SDK1: variants seen among roughly 807,000 people sequenced by gnomAD.
The protein encoded by SDK1 is protein sidekick-1.
Under a neutral mutation model 245.5 loss-of-function variants are expected in SDK1, and 157 were observed. The observed-to-expected ratio is 0.64, with a 90% CI of 0.56 to 0.73. The LOEUF (loss-of-function observed/expected upper bound fraction) is 0.73. Among genes scored for constraint, SDK1 ranks in the 30% least tolerant of loss-of-function variants. SDK1 has a pLI of 0.00. For synonymous variants in SDK1, 1,647 were observed against 1,278.5 expected (o/e 1.29, Z -6.15); for missense variants, 3,583 against 3,002.3 (o/e 1.19, Z -4.52).
At chr7:3,684,416 A>C (rs1013556799) in intron 4 of SDK1, among the ~76,000 whole-genome samples, 1 of 152,216 alleles carries the variant, frequency 6.6e-6, no homozygotes, top group African/African-American at 2.4e-5. Context: ...AGGGGAGAGG[A>C]GTCAGTGCTT....
intron 5 of SDK1, among the ~76,000 whole-genome samples, chr7:3,942,752 A>G (rs1327428628): frequency 1.3e-5 from 2 of 152,204 alleles, no homozygotes; most frequent in Non-Finnish European, 2.9e-5. Flanking sequence ...TAGACACACT[A>G]AAAAGGAAAA....
chr7:3,797,572 A>C (rs17133859), intron 4 of SDK1, among the ~76,000 whole-genome samples: 51,355 of 151,884 alleles, frequency 0.34, 11,859 homozygotes, highest in African/African-American at 0.66. Context: ...TTAATACCTA[A>C]AAAAAATCAT....
At chr7:3,973,485 A>G (rs1046919506) in intron 12 of SDK1, among the ~76,000 whole-genome samples, 5 of 152,230 alleles carry the variant, frequency 3.3e-5, no homozygotes, top group Non-Finnish European at 5.9e-5. Context: ...TCAAATTGCT[A>G]CAGATAGATT....
rs145873015 is a variant in SDK1 at position 3,842,364 on chromosome 7, G to A, written c.847+20781G>A. ...TGGACCAACAGTCAAAGAAGTCACC[G>A]TACTGGCCTGGGTACTGGGTCACTG... On this transcript the variant is annotated intron_variant, in intron 5 of 44. Coordinates refer to ENST00000404826, the MANE Select transcript of SDK1 (RefSeq NM_152744.4). 3.5e-3 allele frequency among the ~76,000 whole-genome samples: 536 copies of A among 152,308 alleles called. 12 individuals are homozygous for A. The highest frequency in any genetic ancestry group is 0.032 in the Admixed American group (497 of 15,300).
chr7:3,490,936 C>T (rs1242867815), intron 1 of SDK1, among the ~76,000 whole-genome samples: 10 of 152,210 alleles, frequency 6.6e-5, no homozygotes, highest in Non-Finnish European at 2.9e-5. Flanking sequence ...TTCTGTTAGG[C>T]ATTCACTCTG....
intron 38 of SDK1, among the ~76,000 whole-genome samples, chr7:4,214,119 G>A (rs1000266111): frequency 4.6e-5 from 7 of 152,192 alleles, no homozygotes; most frequent in East Asian, 1.9e-4. Flanking sequence ...CAAGGCCTGC[G>A]TTTTGAAAAT....
At chr7:3,948,100 C>A (rs1353327850) in intron 5 of SDK1, among the ~76,000 whole-genome samples, 1 of 152,176 alleles carries the variant, frequency 6.6e-6, no homozygotes, top group African/African-American at 2.4e-5. Flanking sequence ...GGATTCAGGT[C>A]ACGTAATATT....
chr7:3,847,946 T>C (rs189777136), intron 5 of SDK1, among the ~76,000 whole-genome samples: 5 of 152,228 alleles, frequency 3.3e-5, no homozygotes, highest in Non-Finnish European at 7.3e-5. Flanking sequence ...AATGTTCTTT[T>C]ATGCTTGAAA....
intron 4 of SDK1, among the ~76,000 whole-genome samples, chr7:3,787,146 T>TCACACACACACACA (rs34838736): frequency 1.0e-4 from 14 of 137,744 alleles, no homozygotes; most frequent in African/African-American, 3.2e-4. Flanking sequence ...AGTATTGAAA[T>TCACACACACACACA]CACACACACA....
intron 17 of SDK1, among the ~76,000 whole-genome samples, chr7:4,038,849 G>C (rs1788398930): frequency 6.6e-6 from 1 of 152,206 alleles, no homozygotes; most frequent in African/African-American, 2.4e-5. Context: ...TTTAGGGAAA[G>C]GTGCTGGCAT....
intron 4 of SDK1, among the ~76,000 whole-genome samples, chr7:3,689,370 T>G (rs1012966223): frequency 6.6e-6 from 1 of 152,136 alleles, no homozygotes; most frequent in African/African-American, 2.4e-5. Context: ...CTAGTGCTTA[T>G]AGGTGTAGCT....
intron 25 of SDK1, among the ~76,000 whole-genome samples, chr7:4,118,287 A>G (rs1248875447): frequency 1.3e-5 from 2 of 152,244 alleles, no homozygotes; most frequent in Non-Finnish European, 2.9e-5. Context: ...CATTCCTCCC[A>G]AGGAGATTTA....
chr7:3,608,997 G>C (rs940928510), intron 1 of SDK1, among the ~76,000 whole-genome samples: 5 of 152,060 alleles, frequency 3.3e-5, no homozygotes, highest in African/African-American at 1.2e-4. Context: ...GAATCTAGTT[G>C]TCCTTTATTA....
intron 1 of SDK1, among the ~76,000 whole-genome samples, chr7:3,478,517 C>A (rs984259829): frequency 2.0e-5 from 3 of 151,508 alleles, no homozygotes; most frequent in African/African-American, 7.3e-5. Context: ...TTAAAAATAA[C>A]TTTATTTTTA....
intron 2 of SDK1, among the ~76,000 whole-genome samples, chr7:3,623,858 T>G (rs1019030684): frequency 6.6e-6 from 1 of 152,184 alleles, no homozygotes; most frequent in African/African-American, 2.4e-5. Context: ...TTATGTAACC[T>G]GCCTCTGTGG....
At chr7:3,529,802 A>C (rs770064188) in intron 1 of SDK1, among the ~76,000 whole-genome samples, 1 of 152,168 alleles carries the variant, frequency 6.6e-6, no homozygotes, top group Non-Finnish European at 1.5e-5. Context: ...GGGGTGGGCT[A>C]TGCTCACATC....
intron 5 of SDK1, among the ~76,000 whole-genome samples, chr7:3,911,021 G>T (rs1009076351): frequency 2.6e-5 from 4 of 152,304 alleles, no homozygotes; most frequent in Non-Finnish European, 5.9e-5. Context: ...CGCCACTGAT[G>T]CACAGCCTTT....
At chr7:3,889,641 G>A (rs1188229774) in intron 5 of SDK1, among the ~76,000 whole-genome samples, 1 of 152,124 alleles carries the variant, frequency 6.6e-6, no homozygotes, top group African/African-American at 2.4e-5. Flanking sequence ...CCAAGTAGCT[G>A]GGACTACAGG....
intron 41 of SDK1, 82 bp downstream of exon 41, chr7:4,233,501 C>T: frequency 1.4e-6 from 2 of 1,383,566 alleles, no homozygotes; most frequent in Non-Finnish European, 2.0e-6. Context: ...GGAGGTCTGT[C>T]TTCTCCTGAA....
Sources: gnomAD v4.1 joint callset for allele counts (sites outside exome capture counted in the v4.1 genomes callset) on GRCh38, gnomAD v4.1.1 for gene constraint, MANE v1.5 for transcripts, NCBI Gene and HGNC (gene_info 2026-07-23, HGNC 2026-07-21) for gene names.